GLTP: variants seen among roughly 807,000 people sequenced by gnomAD.
GLTP encodes glycolipid transfer protein.
Under a neutral mutation model 24.0 loss-of-function variants are expected in GLTP, and 22 were observed. The observed-to-expected ratio is 0.92, with a 90% CI of 0.65 to 1.31. The LOEUF is 1.31. Among genes scored for constraint, GLTP ranks in the 50% most tolerant of loss-of-function variants. GLTP has a pLI of 0.00. For missense variants in GLTP, 224 were observed against 276.6 expected (o/e 0.81, Z 1.35); for synonymous variants, 92 against 115.9 (o/e 0.79, Z 1.33).
chr12:109,858,651 C>G, intron 2 of GLTP, 32 bp downstream of exon 2: 1 of 1,572,990 alleles, frequency 6.4e-7, no homozygotes, highest in Non-Finnish European at 8.8e-7. Context: ...TAACGCAAGT[C>G]TTGGGCTGTG....
chr12:109,869,043 T>G (rs1158029758), intron 1 of GLTP, among the ~76,000 whole-genome samples: 1 of 152,126 alleles, frequency 6.6e-6, no homozygotes, highest in Non-Finnish European at 1.5e-5. Flanking sequence ...CTTACTCCTG[T>G]AATCCCAGCA....
chr12:109,858,365 G>C (rs926010306), intron 2 of GLTP, among the ~76,000 whole-genome samples: 1 of 152,254 alleles, frequency 6.6e-6, no homozygotes, highest in Non-Finnish European at 1.5e-5. Context: ...GGGAAGGCCA[G>C]ACCAGTGCTG....
Position 109,852,657 on chromosome 12 carries a change from G to T in GLTP, c.528C>A (p.Cys176Ter). ...SKGQNVTEEE[C>*]LEKIRLFLVN... ...CTAGGAAGAGGCGGATCTTCTCCAGGCACTCCTCCTCCGTAACATTCTGCC... is the reference window on the plus strand; with the variant it reads ...CTAGGAAGAGGCGGATCTTCTCCAGTCACTCCTCCTCCGTAACATTCTGCC... The change falls in exon 5 of 5, where the codon TGC becomes TGA. Residue 176 changes from cysteine to a stop codon, truncating the protein, a stop_gained. Coordinates refer to ENST00000318348, the MANE Select transcript of GLTP (RefSeq NM_016433.4). LOFTEE classifies it high-confidence loss of function. 2 of 1,603,958 alleles carry T rather than the reference G, an allele frequency of 1.2e-6. No homozygotes were observed. Among genetic ancestry groups the T allele is most frequent in the Non-Finnish European group, 1.7e-6 (2 of 1,170,750 alleles).
At chr12:109,865,567 A>T (rs1868499733) in intron 1 of GLTP, among the ~76,000 whole-genome samples, 1 of 151,980 alleles carries the variant, frequency 6.6e-6, no homozygotes, top group South Asian at 2.1e-4. Flanking sequence ...GGCGGAGGTT[A>T]CAGTGAGTTG....
chr12:109,859,612 T>TA (rs544805389), intron 1 of GLTP, among the ~76,000 whole-genome samples: 1 of 134,702 alleles, frequency 7.4e-6, no homozygotes, highest in Non-Finnish European at 1.6e-5. Context: ...AGATTTTTTT[T>TA]AAAAAAAAGT....
chr12:109,860,331 A>G, intron 1 of GLTP: 1 of 215,384 alleles, frequency 4.6e-6, no homozygotes, highest in Non-Finnish European at 9.9e-6. Flanking sequence ...TGGTAGCCTT[A>G]AAGTGTTTTC....
chr12:109,854,579 G>A (rs943181607), intron 4 of GLTP, among the ~76,000 whole-genome samples: 7 of 152,106 alleles, frequency 4.6e-5, no homozygotes, highest in Non-Finnish European at 8.8e-5. Flanking sequence ...TTGTCTGAGC[G>A]TCACTGTCCT....
chr12:109,872,384 T>C (rs1172730918), intron 1 of GLTP, among the ~76,000 whole-genome samples: 1 of 152,176 alleles, frequency 6.6e-6, no homozygotes, highest in Admixed American at 6.5e-5. Flanking sequence ...CTGGCTCAGA[T>C]GGATGCCAGT....
intron 4 of GLTP, among the ~76,000 whole-genome samples, chr12:109,853,119 C>T (rs1036761381): frequency 6.6e-6 from 1 of 152,132 alleles, no homozygotes; most frequent in Non-Finnish European, 1.5e-5. Flanking sequence ...ACCAGGCATA[C>T]AGTAGGCACT....
At chr12:109,870,556 T>C (rs1868688800) in intron 1 of GLTP, among the ~76,000 whole-genome samples, 1 of 152,152 alleles carries the variant, frequency 6.6e-6, no homozygotes, top group African/African-American at 2.4e-5. Context: ...ATCATCACCT[T>C]TCCCAACAGA....
At chr12:109,870,625 A>G (rs1013304019) in intron 1 of GLTP, among the ~76,000 whole-genome samples, 1 of 152,214 alleles carries the variant, frequency 6.6e-6, no homozygotes, top group Non-Finnish European at 1.5e-5. Context: ...TTAAGAAATC[A>G]AAGCAGAAGG....
intron 1 of GLTP, among the ~76,000 whole-genome samples, chr12:109,871,982 C>G (rs1467958546): frequency 2.0e-5 from 3 of 152,226 alleles, no homozygotes; most frequent in Non-Finnish European, 4.4e-5. Context: ...CTCTCCCCTC[C>G]TACTCAATCC....
Position 109,855,558 on chromosome 12 carries a change from G to A in GLTP, c.447+61C>T. ...GCCAGGAGGCCTCGGCTAAGCAGGG[G>A]CAGAGTGGGGAGCAGAATCTGCAAG... On this transcript the variant is annotated intron_variant, in intron 4 of 4. Coordinates refer to ENST00000318348, the MANE Select transcript of GLTP (RefSeq NM_016433.4). This position sits in a 1 kb window ranked among gnomAD's most constrained non-coding sequence, Gnocchi z 4.1. 1.4e-6 allele frequency: 2 copies of A among 1,444,480 alleles called. No homozygotes were observed. Among genetic ancestry groups the A allele is most frequent in the Non-Finnish European group, 9.3e-7 (1 of 1,071,700 alleles). The allele number at this position is 1,444,480 out of a possible 1,614,324, so 89.5% of individuals were successfully genotyped here. A position where few individuals can be genotyped will look rare whatever the true frequency, so the allele number is the denominator to read the frequency against.
intron 1 of GLTP, among the ~76,000 whole-genome samples, chr12:109,859,089 C>T (rs761528250): frequency 6.6e-6 from 1 of 152,216 alleles, no homozygotes; most frequent in African/African-American, 2.4e-5. Context: ...GGGTCTCGCT[C>T]TGTCACTCAG....
intron 1 of GLTP, among the ~76,000 whole-genome samples, chr12:109,876,994 A>C (rs1293478723): frequency 6.6e-6 from 1 of 152,172 alleles, no homozygotes; most frequent in Non-Finnish European, 1.5e-5. Context: ...CTGGAACTAC[A>C]GGTGTGCACC....
chr12:109,857,631 G>T lies in GLTP; in HGVS notation c.191C>A (p.Pro64Gln), dbSNP rs530260645. The T allele has an allele frequency of 1.6e-5, 26 of 1,614,100 alleles. No homozygotes were observed. The East Asian group carries it at 2.2e-4, about 14-fold the overall frequency. ...TKIKAVYDTNPAKFRTLQNIL... is the reference protein window; with the variant it reads ...TKIKAVYDTNQAKFRTLQNIL... ...GTTCTGCAGGGTCCGGAACTTGGCT[G>T]GGTTGGTGTCGTACACAGCTTTGAT... is the stretch of plus-strand genomic sequence containing the variant. The change falls in exon 3 of 5, where the codon CCA becomes CAA. Residue 64 changes from proline (P) to glutamine (Q), a missense_variant. Coordinates refer to ENST00000318348, the MANE Select transcript of GLTP (RefSeq NM_016433.4). The surrounding 1 kb of genome is among the most constrained non-coding windows in gnomAD (Gnocchi z 4.3).
At position 109,851,214 on chromosome 12, in the gene GLTP, T is replaced by C. The variant is rs1183493787; in HGVS notation, c.*1341A>G. 6.6e-6 allele frequency: 1 copy of C among 152,526 alleles called. No individual in the cohort carries two copies. Among genetic ancestry groups the C allele is most frequent in the East Asian group, 1.9e-4 (1 of 5,194 alleles). 9.4% of individuals were successfully genotyped at this position (152,526 alleles called of 1,614,324 possible). On this transcript the variant is annotated 3_prime_UTR_variant, in exon 5 of 5. Coordinates refer to ENST00000318348, the MANE Select transcript of GLTP (RefSeq NM_016433.4). ...TACACACGGTAGGTAGTTTCTTAGG[T>C]TGGAAAATCTGTCCCTGAAGGAAAT...
rs185977299 is a variant in GLTP at position 109,873,756 on chromosome 12, C to T, written c.103+6516G>A. 5.4e-3 allele frequency among the ~76,000 whole-genome samples: 827 copies of T among 152,030 alleles called. 5 individuals are homozygous for T. The highest frequency in any genetic ancestry group is 0.019 in the African/African-American group (775 of 41,450). On this transcript the variant is annotated intron_variant, in intron 1 of 4. Transcript: ENST00000318348. ...CCCAGGAGCTGGAGGCTGCAGTGAG[C>T]TGTGATCACCCCACTGCATGCCAGT... is the stretch of plus-strand genomic sequence containing the variant.
At chr12:109,866,708 T>C (rs1392618498) in intron 1 of GLTP, among the ~76,000 whole-genome samples, 3 of 151,816 alleles carry the variant, frequency 2.0e-5, no homozygotes, top group African/African-American at 7.3e-5. Flanking sequence ...ACTAAATGAC[T>C]CTGGATGGTG....
Sources: allele counts gnomAD v4.1 joint callset (sites outside exome capture counted in the v4.1 genomes callset), GRCh38; gene constraint gnomAD v4.1.1; non-coding constraint Gnocchi (gnomAD v3.1); transcripts MANE v1.5; gene names NCBI Gene and HGNC (gene_info 2026-07-23, HGNC 2026-07-21).